ARL15: variants seen among roughly 807,000 people sequenced by gnomAD.
The protein encoded by ARL15 is ADP-ribosylation factor-like protein 15.
A neutral mutation model predicts 25.2 loss-of-function variants in ARL15; 19 were observed. The ratio of observed to expected loss-of-function variants is 0.75; its 90% CI spans 0.53 to 1.10. ARL15 has a LOEUF of 1.10. Among genes scored for constraint, ARL15 ranks in the 50% least tolerant of loss-of-function variants. The pLI, the probability that ARL15 is intolerant of heterozygous loss-of-function variation, is 0.00. For missense variants in ARL15, 220 were observed against 246.0 expected (o/e 0.89, Z 0.71); for synonymous variants, 94 against 86.8 (o/e 1.08, Z -0.46).
At chr5:54,281,179 A>C (rs1322299421) in intron 1 of ARL15, among the ~76,000 whole-genome samples, 2 of 152,148 alleles carry the variant, frequency 1.3e-5, no homozygotes, top group Admixed American at 6.5e-5. Flanking sequence ...CGCTCTTGTC[A>C]CCCAAGCTGG....
At chr5:53,906,258 C>G (rs1285960396) in intron 4 of ARL15, among the ~76,000 whole-genome samples, 1 of 152,126 alleles carries the variant, frequency 6.6e-6, no homozygotes, top group Non-Finnish European at 1.5e-5. Context: ...TTTTTGGCAC[C>G]ATGAGAAGGG....
chr5:54,231,809 C>T lies in ARL15; in HGVS notation c.49-59881G>A, dbSNP rs181535128. Among the ~76,000 whole-genome samples, 6 of 152,162 alleles carry T rather than the reference C, an allele frequency of 3.9e-5. No individual in the cohort carries two copies. In the South Asian group the frequency reaches 1.0e-3, roughly 26 times the overall value. On this transcript the variant is annotated intron_variant, in intron 1 of 4. Transcript: ENST00000504924. ...CTTTCTGGTGTTTTTAAAATAAGGACACTAGTAGTATCAGATTAGGGCCCC... is the reference window on the plus strand; with the variant it reads ...CTTTCTGGTGTTTTTAAAATAAGGATACTAGTAGTATCAGATTAGGGCCCC...
At chr5:53,890,294 T>C (rs1009211598) in intron 4 of ARL15, among the ~76,000 whole-genome samples, 1 of 152,188 alleles carries the variant, frequency 6.6e-6, no homozygotes. Flanking sequence ...GTAAGTCATA[T>C]ACTTAACATC....
intron 4 of ARL15, among the ~76,000 whole-genome samples, chr5:54,096,050 T>G (rs1206535410): frequency 6.6e-6 from 1 of 152,204 alleles, no homozygotes; most frequent in Non-Finnish European, 1.5e-5. Flanking sequence ...TTCATTTTTG[T>G]GGACCTTAAG....
chr5:53,954,820 T>C (rs1217997941), intron 4 of ARL15, among the ~76,000 whole-genome samples: 1 of 152,100 alleles, frequency 6.6e-6, no homozygotes, highest in Non-Finnish European at 1.5e-5. Flanking sequence ...TTAAAAACAC[T>C]GTTCTTAAAG....
At chr5:54,145,418 T>C (rs1420912822) in intron 3 of ARL15, among the ~76,000 whole-genome samples, 2 of 152,252 alleles carry the variant, frequency 1.3e-5, no homozygotes, top group Non-Finnish European at 2.9e-5. Context: ...TTAATCAGCT[T>C]TGAACGTGTC....
At chr5:54,136,146 C>G (rs1336996720) in intron 3 of ARL15, among the ~76,000 whole-genome samples, 2 of 152,254 alleles carry the variant, frequency 1.3e-5, no homozygotes, top group South Asian at 2.1e-4. Flanking sequence ...TTCCCACTCT[C>G]TTTGTATACT....
Position 54,088,325 on chromosome 5 carries a change from C to T in ARL15, c.462+24877G>A, listed in dbSNP as rs558953386. Among the ~76,000 whole-genome samples the T allele has an allele frequency of 4.6e-5, 7 of 152,116 alleles. No individual in the cohort carries two copies. In the South Asian group the frequency reaches 1.5e-3, roughly 32 times the overall value. On this transcript the variant is annotated intron_variant, in intron 4 of 4. Transcript: ENST00000504924. ...ATGGGGTTGTCAAAACTGGGCTATA[C>T]GTATGTGACTGAAATGGCAGAAAAT...
At chr5:54,015,300 AAAAAAC>A (rs1425581526) in intron 4 of ARL15, among the ~76,000 whole-genome samples, 1 of 151,598 alleles carries the variant, frequency 6.6e-6, no homozygotes, top group African/African-American at 2.4e-5. Flanking sequence ...CTCAAAAAAA[AAAAAAC>A]AAAAACAAAA....
At chr5:54,073,948 T>C (rs77250967) in intron 4 of ARL15, among the ~76,000 whole-genome samples, 1 of 152,224 alleles carries the variant, frequency 6.6e-6, no homozygotes, top group African/African-American at 2.4e-5. Context: ...AGATATGTCA[T>C]GGAGACTGGG....
At chr5:54,179,760 G>A (rs1482093991) in intron 1 of ARL15, among the ~76,000 whole-genome samples, 1 of 152,100 alleles carries the variant, frequency 6.6e-6, no homozygotes, top group Non-Finnish European at 1.5e-5. Context: ...ACTCACACCT[G>A]TAATCCCTGC....
chr5:54,249,610 T>G (rs1417756276), intron 1 of ARL15, among the ~76,000 whole-genome samples: 1 of 145,980 alleles, frequency 6.9e-6, no homozygotes, highest in Admixed American at 7.1e-5. Context: ...AGTTTCTAAG[T>G]GAAGGAGTTC....
chr5:54,241,967 T>G (rs1045457282), intron 1 of ARL15, among the ~76,000 whole-genome samples: 15 of 152,154 alleles, frequency 9.9e-5, no homozygotes, highest in Non-Finnish European at 1.8e-4. Context: ...AGGAATAGCC[T>G]CACGTATAGC....
At chr5:53,895,891 A>T (rs189101341) in intron 4 of ARL15, among the ~76,000 whole-genome samples, 23 of 152,278 alleles carry the variant, frequency 1.5e-4, no homozygotes, top group African/African-American at 5.5e-4. Flanking sequence ...TTTTTCCATG[A>T]ATTTTATGAA....
At chr5:53,914,823 T>G (rs1745586449) in intron 4 of ARL15, among the ~76,000 whole-genome samples, 1 of 152,222 alleles carries the variant, frequency 6.6e-6, no homozygotes, top group African/African-American at 2.4e-5. Flanking sequence ...CTTTTCTTTC[T>G]TTCCTTTGAT....
intron 3 of ARL15, among the ~76,000 whole-genome samples, chr5:54,114,463 T>C (rs907348892): frequency 7.1e-6 from 1 of 141,488 alleles, no homozygotes; most frequent in African/African-American, 2.6e-5. Flanking sequence ...AGGCATGTCA[T>C]GTAGTATTCC....
intron 4 of ARL15, among the ~76,000 whole-genome samples, chr5:53,908,915 T>C (rs1745364270): frequency 1.3e-5 from 2 of 152,190 alleles, no homozygotes; most frequent in Non-Finnish European, 2.9e-5. Context: ...ACACAAAAGT[T>C]GACATCAGAT....
chr5:53,906,522 TG>T (rs1745254552), intron 4 of ARL15, among the ~76,000 whole-genome samples: 2 of 152,308 alleles, frequency 1.3e-5, no homozygotes, highest in African/African-American at 4.8e-5. Context: ...GGAAGTGAAC[TG>T]AACTAACTAT....
intron 4 of ARL15, among the ~76,000 whole-genome samples, chr5:54,109,675 C>T (rs1036657748): frequency 3.3e-5 from 5 of 151,892 alleles, no homozygotes; most frequent in African/African-American, 1.2e-4. Context: ...GAGAAACCAA[C>T]CTATTTACCC....
Sources: gnomAD v4.1 joint callset for allele counts (sites outside exome capture counted in the v4.1 genomes callset) on GRCh38, gnomAD v4.1.1 for gene constraint, MANE v1.5 for transcripts, NCBI Gene and HGNC (gene_info 2026-07-23, HGNC 2026-07-21) for gene names.